ASTN2: variants seen among roughly 807,000 people sequenced by gnomAD.
ASTN2 encodes the protein astrotactin 2, also known as astrotactin-2.
A neutral mutation model predicts 139.8 loss-of-function variants in ASTN2; 54 were observed. The observed-to-expected ratio is 0.39, with a 90% confidence interval of 0.31 to 0.48. ASTN2 has a LOEUF of 0.48. ASTN2 is among the 20% of genes least tolerant of loss of function. ASTN2 has a pLI of 0.95. For missense variants in ASTN2, 1,565 were observed against 1,725.1 expected (o/e 0.91, Z 1.64); for synonymous variants, 756 against 719.5 (o/e 1.05, Z -0.81).
At chr9:117,407,615 C>A (rs1831033323) in intron 1 of ASTN2, among the ~76,000 whole-genome samples, 1 of 152,216 alleles carries the variant, frequency 6.6e-6, no homozygotes, top group African/African-American at 2.4e-5. Flanking sequence ...TTGAATCTTG[C>A]ATTGTGTAGT....
chr9:117,317,395 C>G (rs1467589064), intron 1 of ASTN2, among the ~76,000 whole-genome samples: 1 of 152,114 alleles, frequency 6.6e-6, no homozygotes, highest in African/African-American at 2.4e-5. Flanking sequence ...AGATATTATT[C>G]TGTGCTGAGT....
intron 11 of ASTN2, among the ~76,000 whole-genome samples, chr9:116,827,757 A>G (rs565898046): frequency 6.6e-6 from 1 of 152,304 alleles, no homozygotes; most frequent in East Asian, 1.9e-4. Context: ...TCTCTCAATA[A>G]CAACAGAAAA....
intron 4 of ASTN2, among the ~76,000 whole-genome samples, chr9:117,102,221 T>C (rs1417620639): frequency 6.6e-6 from 1 of 152,194 alleles, no homozygotes; most frequent in African/African-American, 2.4e-5. Flanking sequence ...TACTGATACA[T>C]GCTACAATGT....
At chr9:116,610,891 C>G (rs1588078977) in intron 19 of ASTN2, 1 of 108,650 alleles carries the variant, frequency 9.2e-6, no homozygotes, top group African/African-American at 3.8e-5. Flanking sequence ...AATATTGATA[C>G]AAGAAGACAG....
chr9:116,839,273 G>C (rs1588339370), intron 11 of ASTN2, among the ~76,000 whole-genome samples: 1 of 151,894 alleles, frequency 6.6e-6, no homozygotes, highest in Non-Finnish European at 1.5e-5. Flanking sequence ...TCAGCCTCTC[G>C]AATAGCTGGG....
In ASTN2 at chr9:117,228,886, G is replaced by T. The variant is rs184264368; in HGVS notation, c.631-14144C>A. ...AAAAATTAGCCAGGCATGGTGGCAC[G>T]TGCCTATATTAGGGGGGCTGAGGCA... On this transcript the variant is annotated intron_variant, in intron 2 of 22. Transcript: ENST00000313400. 5.9e-5 allele frequency among the ~76,000 whole-genome samples: 9 copies of T among 152,158 alleles called. No homozygotes were observed. The East Asian group carries it at 1.4e-3, about 23-fold the overall frequency.
At chr9:117,073,053 A>T (rs182749290) in intron 5 of ASTN2, among the ~76,000 whole-genome samples, 12 of 152,338 alleles carry the variant, frequency 7.9e-5, no homozygotes, top group Non-Finnish European at 7.3e-5. Context: ...AGAATCTGTA[A>T]AAAACAGAGA....
At chr9:117,043,356 C>T (rs1355226027) in intron 5 of ASTN2, among the ~76,000 whole-genome samples, 24 of 152,086 alleles carry the variant, frequency 1.6e-4, no homozygotes, top group Admixed American at 1.6e-3. Flanking sequence ...GATAATAGCA[C>T]CCTGTGGATC....
At chr9:116,457,192 A>G (rs773477948) in intron 20 of ASTN2, among the ~76,000 whole-genome samples, 4 of 152,210 alleles carry the variant, frequency 2.6e-5, no homozygotes, top group Non-Finnish European at 4.4e-5. Context: ...ACCATATGCA[A>G]AAATCAAATC....
chr9:117,216,660 T>C (rs533051963), intron 2 of ASTN2, among the ~76,000 whole-genome samples: 13 of 152,290 alleles, frequency 8.5e-5, no homozygotes, highest in Non-Finnish European at 1.5e-4. Context: ...GAACATATGA[T>C]AGTGATTGCT....
intron 6 of ASTN2, among the ~76,000 whole-genome samples, chr9:117,036,640 G>A (rs896046395): frequency 4.6e-5 from 7 of 152,148 alleles, no homozygotes; most frequent in Non-Finnish European, 7.3e-5. Context: ...GAGCAGTTCT[G>A]AAACCCCAGA....
chr9:116,861,132 G>A (rs995538035), intron 11 of ASTN2, among the ~76,000 whole-genome samples: 2 of 150,492 alleles, frequency 1.3e-5, no homozygotes, highest in African/African-American at 4.9e-5. Context: ...TATCCCCTAG[G>A]GAATGAATGT....
intron 19 of ASTN2, among the ~76,000 whole-genome samples, chr9:116,536,171 G>A (rs899003320): frequency 1.3e-4 from 20 of 151,782 alleles, no homozygotes; most frequent in Middle Eastern, 3.4e-3. Flanking sequence ...TTGTGCATTC[G>A]TCACGTAGTT....
intron 1 of ASTN2, among the ~76,000 whole-genome samples, chr9:117,295,339 A>AAATAG (rs1300654304): frequency 6.6e-6 from 1 of 152,060 alleles, no homozygotes; most frequent in African/African-American, 2.4e-5. Flanking sequence ...AAATAAAATA[A>AAATAG]AATAAGAAAG....
chr9:117,249,789 C>A (rs1833487875), intron 2 of ASTN2, among the ~76,000 whole-genome samples: 1 of 151,956 alleles, frequency 6.6e-6, no homozygotes, highest in Non-Finnish European at 1.5e-5. Flanking sequence ...AGAGTTGGAG[C>A]CAGAATTCAG....
chr9:117,399,051 T>C (rs1246958975), intron 1 of ASTN2, among the ~76,000 whole-genome samples: 1 of 152,194 alleles, frequency 6.6e-6, no homozygotes, highest in Non-Finnish European at 1.5e-5. Context: ...CCCAAAGTGC[T>C]GGGATTACAG....
At chr9:117,100,170 T>C (rs1236923372) in intron 4 of ASTN2, among the ~76,000 whole-genome samples, 1 of 152,214 alleles carries the variant, frequency 6.6e-6, no homozygotes, top group African/African-American at 2.4e-5. Context: ...TTTCCACATG[T>C]CCAGGCACAG....
chr9:116,571,627 A>G (rs1255672034), intron 19 of ASTN2, among the ~76,000 whole-genome samples: 1 of 152,124 alleles, frequency 6.6e-6, no homozygotes, highest in Non-Finnish European at 1.5e-5. Flanking sequence ...TCTTTACAGT[A>G]TGCCTGTGGG....
Position 116,797,717 on chromosome 9 carries a change from C to T in ASTN2, c.2396+7915G>A, listed in dbSNP as rs146006523. 5.8e-3 allele frequency among the ~76,000 whole-genome samples: 885 copies of T among 152,290 alleles called. 2 individuals carry two copies. Among genetic ancestry groups the T allele is most frequent in the Non-Finnish European group, 0.01 (688 of 68,032 alleles). On this transcript the variant is annotated intron_variant, in intron 13 of 22. Transcript: ENST00000313400. ...CTTTTTCTTATTTCAATGAGATCATCGTCTATTATAAAGCACACAGACCTG... is the reference window on the plus strand; with the variant it reads ...CTTTTTCTTATTTCAATGAGATCATTGTCTATTATAAAGCACACAGACCTG...
Sources: allele counts gnomAD v4.1 joint callset (sites outside exome capture counted in the v4.1 genomes callset), GRCh38; gene constraint gnomAD v4.1.1; transcripts MANE v1.5; gene names NCBI Gene and HGNC (gene_info 2026-07-23, HGNC 2026-07-21).